The following CNTLN variants were observed in gnomAD, a reference collection of about 807,000 sequenced individuals.
The protein encoded by CNTLN is centlein, centrosomal protein.
In CNTLN, 212 loss-of-function variants were observed where a neutral mutation model predicts 180.0. The observed-to-expected ratio is 1.18, with a 90% CI of 1.05 to 1.32. CNTLN has a LOEUF of 1.32. CNTLN is among the 40% of genes most tolerant of loss of function. The pLI is 0.00. For synonymous variants in CNTLN, 722 were observed against 563.1 expected (o/e 1.28, Z -3.99); for missense variants, 2,095 against 1,610.9 (o/e 1.30, Z -5.14).
chr9:17,266,816 C>T (rs534759429), intron 5 of CNTLN, among the ~76,000 whole-genome samples: 1 of 152,042 alleles, frequency 6.6e-6, no homozygotes, highest in Admixed American at 6.6e-5. Context: ...CTCTTTTGAT[C>T]TTTGTTGGTT....
intron 10 of CNTLN, among the ~76,000 whole-genome samples, chr9:17,339,768 A>T (rs967565140): frequency 6.6e-6 from 1 of 152,222 alleles, no homozygotes; most frequent in African/African-American, 2.4e-5. Flanking sequence ...AGTCATGTGC[A>T]TATATCTTCT....
chr9:17,415,457 T>C (rs1292045758), intron 16 of CNTLN, among the ~76,000 whole-genome samples: 1 of 152,226 alleles, frequency 6.6e-6, no homozygotes, highest in Admixed American at 6.5e-5. Context: ...TTGGAGTTGA[T>C]TTTGTATCTG....
Position 17,487,053 on chromosome 9 carries a change from T to C in CNTLN, c.4106T>C (p.Leu1369Pro). The change falls in exon 25 of 26, where the codon CTT becomes CCT. Residue 1369 changes from leucine (L) to proline (P), a missense_variant. Leu to Pro is a moderately conservative substitution (Grantham distance 98). Coordinates refer to ENST00000380647, the MANE Select transcript of CNTLN (RefSeq NM_017738.4). Reference sequence around the variant, plus strand: ...GAATGGATGTTGTACATTCAGAAACTTCTTGAAGGACAGGTATTTCATTTT... The same window carrying C: ...GAATGGATGTTGTACATTCAGAAACCTCTTGAAGGACAGGTATTTCATTTT... ...DKEWMLYIQK[L>P]LEGQLPFASY... The C allele has an allele frequency of 1.2e-6, 2 of 1,604,072 alleles. No individual in the cohort carries two copies. The highest frequency in any genetic ancestry group is 1.7e-6 in the Non-Finnish European group (2 of 1,173,416).
chr9:17,377,626 A>G (rs574095966), intron 13 of CNTLN, among the ~76,000 whole-genome samples: 3 of 152,364 alleles, frequency 2.0e-5, no homozygotes, highest in Non-Finnish European at 4.4e-5. Flanking sequence ...CCATATTTGT[A>G]AGAACCTAGA....
chr9:17,281,793 G>A (rs1828680677), intron 6 of CNTLN, among the ~76,000 whole-genome samples: 1 of 152,082 alleles, frequency 6.6e-6, no homozygotes, highest in African/African-American at 2.4e-5. Context: ...ATTATATTGG[G>A]TATATATACC....
chr9:17,272,909 AT>A (rs1348569867), intron 5 of CNTLN, among the ~76,000 whole-genome samples: 2 of 151,732 alleles, frequency 1.3e-5, no homozygotes, highest in Non-Finnish European at 2.9e-5. Flanking sequence ...TTCTGCCCTT[AT>A]TTTCTCCCCT....
Position 17,465,976 on chromosome 9 carries a change from T to C in CNTLN, c.3532-5T>C, listed in dbSNP as rs528840732. ...ATAATAATTACCTTTATGCTTTTAA[T>C]GTAGGTAAAGACATTAACTGAAGAA... is the stretch of plus-strand genomic sequence containing the variant. On this transcript the variant is annotated splice_region_variant and splice_polypyrimidine_tract_variant and intron_variant, in intron 21 of 25. Transcript: ENST00000380647. 9.5e-5 allele frequency: 152 copies of C among 1,595,254 alleles called. 2 individuals carry two copies. The South Asian group carries it at 1.6e-3, about 17-fold the overall frequency.
Position 17,332,665 on chromosome 9 carries a change from G to T in CNTLN, c.1579G>T (p.Glu527Ter). ...AAAGAGCTCTTTCACAGACTCAGAA[G>T]AGCTACAGAAGCTGAGAAAAGCTGA... ...SPKSSFTDSE[E>*]LQKLRKAERK... Residue 527 changes from glutamate (E) to a stop codon, truncating the protein, a stop_gained, in exon 10 of 26, where the codon GAG (glutamate) becomes TAG (stop). Transcript: ENST00000380647. LOFTEE classifies it high-confidence loss of function. 6.2e-7 allele frequency: 1 copy of T among 1,608,804 alleles called. No homozygotes were observed.
intron 16 of CNTLN, among the ~76,000 whole-genome samples, chr9:17,415,569 T>A (rs981463553): frequency 1.3e-5 from 2 of 152,130 alleles, no homozygotes; most frequent in African/African-American, 4.8e-5. Flanking sequence ...TAAAAAATAT[T>A]TTTTTCAATT....
chr9:17,327,242 C>G (rs1406855317), intron 8 of CNTLN, among the ~76,000 whole-genome samples: 10 of 113,062 alleles, frequency 8.8e-5, no homozygotes, highest in Non-Finnish European at 1.5e-4. Context: ...GAGATGGAGT[C>G]TCACTCTTGC....
At chr9:17,423,351 A>G (rs146075124) in intron 18 of CNTLN, among the ~76,000 whole-genome samples, 7 of 152,286 alleles carry the variant, frequency 4.6e-5, no homozygotes, top group African/African-American at 1.7e-4. Context: ...GAAATGCCGT[A>G]CAGGAGCTAG....
chr9:17,252,008 C>A (rs10962947), intron 5 of CNTLN, among the ~76,000 whole-genome samples: 72,025 of 151,534 alleles, frequency 0.48, 18,482 homozygotes, highest in African/African-American at 0.67. Context: ...TCTCTGCCTG[C>A]CTTATTTATT....
At chr9:17,247,418 T>C (rs1825857682) in intron 5 of CNTLN, among the ~76,000 whole-genome samples, 1 of 152,156 alleles carries the variant, frequency 6.6e-6, no homozygotes, top group South Asian at 2.1e-4. Context: ...TAGCACTGAG[T>C]TGTAGTGCAA....
chr9:17,214,092 T>C (rs1000651170), intron 2 of CNTLN, among the ~76,000 whole-genome samples: 1 of 152,184 alleles, frequency 6.6e-6, no homozygotes, highest in African/African-American at 2.4e-5. Context: ...TTTGATCCTG[T>C]CATTATGATT....
intron 23 of CNTLN, among the ~76,000 whole-genome samples, chr9:17,468,733 A>C (rs543219198): frequency 1.3e-5 from 2 of 151,814 alleles, no homozygotes; most frequent in African/African-American, 4.8e-5. Flanking sequence ...TAATGGGTAT[A>C]TTTCTCCATA....
intron 2 of CNTLN, among the ~76,000 whole-genome samples, chr9:17,190,258 A>G (rs960802550): frequency 5.3e-5 from 8 of 151,020 alleles, no homozygotes; most frequent in African/African-American, 2.0e-4. Context: ...AATATTTTGT[A>G]TATTTTGTAC....
chr9:17,348,379 C>T (rs1822084402), intron 12 of CNTLN, among the ~76,000 whole-genome samples: 2 of 152,114 alleles, frequency 1.3e-5, no homozygotes, highest in South Asian at 2.1e-4. Flanking sequence ...GGGAGAAGGT[C>T]ACGTCAATAC....
chr9:17,524,200 G>C, the CNTLN span, among the ~76,000 whole-genome samples: 260 of 152,206 alleles, frequency 1.7e-3, 1 homozygote, highest in African/African-American at 5.9e-3. Context: ...TTATTTATTT[G>C]TTTGTTTTGT....
chr9:17,206,219 A>C (rs541265556), intron 2 of CNTLN, among the ~76,000 whole-genome samples: 30 of 152,242 alleles, frequency 2.0e-4, no homozygotes, highest in African/African-American at 5.8e-4. Context: ...TCCAACCTGG[A>C]CTTTTTTTTA....
Sources: gnomAD v4.1 joint callset for allele counts (sites outside exome capture counted in the v4.1 genomes callset) on GRCh38, gnomAD v4.1.1 for gene constraint, MANE v1.5 for transcripts, NCBI Gene and HGNC (gene_info 2026-07-23, HGNC 2026-07-21) for gene names.